Variants in GRM8 observed in about 807,000 individuals in gnomAD.
The protein encoded by GRM8 is metabotropic glutamate receptor 8.
In GRM8, 47 loss-of-function variants were observed where a neutral mutation model predicts 87.2. The observed-to-expected ratio is 0.54, with a 90% confidence interval of 0.43 to 0.69. GRM8 has a LOEUF of 0.69. GRM8 is among the 30% of genes least tolerant of loss of function. The pLI is 0.00. For missense variants in GRM8, 1,019 were observed against 1,139.2 expected, an observed-to-expected ratio of 0.89 and a Z score of 1.52; for synonymous variants, 396 against 404.5, an observed-to-expected ratio of 0.98 and a Z score of 0.25.
At chr7:126,822,415 A>T (rs1218794749) in intron 6 of GRM8, among the ~76,000 whole-genome samples, 1 of 152,012 alleles carries the variant, frequency 6.6e-6, no homozygotes, top group East Asian at 1.9e-4. Flanking sequence ...TTTTTATTTT[A>T]TGAGTGCTTA....
intron 8 of GRM8, 36 bp downstream of exon 8, chr7:126,609,326 C>T (rs1474245547): frequency 2.6e-6 from 4 of 1,554,372 alleles, no homozygotes; most frequent in Non-Finnish European, 3.5e-6. Context: ...TCCTGGAGAG[C>T]TATATACATT....
chr7:126,754,374 A>C (rs1299045884), intron 7 of GRM8, among the ~76,000 whole-genome samples: 1 of 151,878 alleles, frequency 6.6e-6, no homozygotes, highest in Non-Finnish European at 1.5e-5. Flanking sequence ...GATGTTGTCC[A>C]CAGTACTCTG....
chr7:126,745,962 TC>T (rs1327941103), intron 7 of GRM8, among the ~76,000 whole-genome samples: 1 of 151,816 alleles, frequency 6.6e-6, no homozygotes. Flanking sequence ...CAAATTTATA[TC>T]TTCTGAAAAT....
chr7:126,466,865 T>C (rs1223211483), intron 9 of GRM8, among the ~76,000 whole-genome samples: 3 of 151,958 alleles, frequency 2.0e-5, no homozygotes, highest in Non-Finnish European at 1.5e-5. Context: ...TACCCAGAAA[T>C]AATGCTTCAT....
chr7:126,590,983 A>G (rs1342022062), intron 8 of GRM8, among the ~76,000 whole-genome samples: 1 of 152,058 alleles, frequency 6.6e-6, no homozygotes, highest in Non-Finnish European at 1.5e-5. Flanking sequence ...TTTTAAAAAA[A>G]GGTATTTAGG....
In GRM8 at chr7:127,164,638, C is replaced by G. The variant is rs532467433; in HGVS notation, c.511-57926G>C. ...GTTCCAATCTTATTTCTCAGCACAC[C>G]TTGTTGGAAATCTTTATAAAAACCT... On this transcript the variant is annotated intron_variant, in intron 2 of 10. Coordinates refer to ENST00000339582, the MANE Select transcript of GRM8 (RefSeq NM_000845.3). Among the ~76,000 whole-genome samples, 5 of 152,242 alleles carry G rather than the reference C, an allele frequency of 3.3e-5. No homozygotes were observed. The South Asian group carries it at 6.2e-4, about 19-fold the overall frequency.
rs189217283 is a variant in GRM8 at position 126,456,455 on chromosome 7, G to A, written c.2431-10083C>T. Among the ~76,000 whole-genome samples the A allele has an allele frequency of 5.3e-3, 709 of 134,542 alleles. 4 individuals carry two copies. Among genetic ancestry groups the A allele is most frequent in the South Asian group, 0.023 (98 of 4,226 alleles). The allele number at this position is 134,542 out of a possible 152,430, so 88.3% of individuals were successfully genotyped here. On this transcript the variant is annotated intron_variant, in intron 9 of 10. Coordinates refer to ENST00000339582, the MANE Select transcript of GRM8 (RefSeq NM_000845.3). Reference sequence around the variant, plus strand: ...AGGGTACTACAGAGAAGTAAACCGGGTATTTTATACCTTTTTTTTCCCTTG... The same window carrying A: ...AGGGTACTACAGAGAAGTAAACCGGATATTTTATACCTTTTTTTTCCCTTG...
chr7:127,015,063 A>AGAG, intron 3 of GRM8, among the ~76,000 whole-genome samples: 1 of 90,714 alleles, frequency 1.1e-5, no homozygotes. Context: ...AAGAAGAAGA[A>AGAG]GAAGAAAGAA....
intron 2 of GRM8, among the ~76,000 whole-genome samples, chr7:127,188,192 T>C (rs1423478053): frequency 1.3e-5 from 2 of 152,248 alleles, no homozygotes; most frequent in African/African-American, 2.4e-5. Context: ...AGAAGCATTA[T>C]TGATAACTCC....
intron 3 of GRM8, among the ~76,000 whole-genome samples, chr7:127,049,987 C>A (rs1819311843): frequency 6.6e-6 from 1 of 152,112 alleles, no homozygotes; most frequent in African/African-American, 2.4e-5. Context: ...TGGAGACAGG[C>A]AAGGGCCAGG....
intron 2 of GRM8, chr7:127,219,717 A>G (rs1251514224): frequency 1.3e-5 from 2 of 152,238 alleles, no homozygotes; most frequent in African/African-American, 4.8e-5. Flanking sequence ...GTTCCTATTT[A>G]TGACCACAGA....
At chr7:126,951,048 A>C (rs1361965) in intron 3 of GRM8, among the ~76,000 whole-genome samples, 50,477 of 151,876 alleles carry the variant, frequency 0.33, 8,373 homozygotes, top group Non-Finnish European at 0.35. Flanking sequence ...ATATATCTCC[A>C]AAATGGAGTA....
intron 8 of GRM8, among the ~76,000 whole-genome samples, chr7:126,583,469 T>G (rs1795808740): frequency 6.6e-6 from 1 of 152,058 alleles, no homozygotes; most frequent in Non-Finnish European, 1.5e-5. Context: ...CTGGAGAAAA[T>G]ACATTGAAAA....
At chr7:126,931,981 G>A (rs899576711) in intron 3 of GRM8, among the ~76,000 whole-genome samples, 1 of 152,018 alleles carries the variant, frequency 6.6e-6, no homozygotes, top group Non-Finnish European at 1.5e-5. Context: ...TACTTACTAT[G>A]CTAATTAACA....
chr7:126,664,163 C>G (rs1054218549), intron 7 of GRM8, among the ~76,000 whole-genome samples: 1 of 152,128 alleles, frequency 6.6e-6, no homozygotes, highest in Admixed American at 6.6e-5. Flanking sequence ...AAAAAACATT[C>G]CATGCTCATG....
intron 2 of GRM8, among the ~76,000 whole-genome samples, chr7:127,172,805 T>C (rs1353393862): frequency 6.6e-6 from 1 of 152,198 alleles, no homozygotes; most frequent in Non-Finnish European, 1.5e-5. Context: ...GATAATTTTG[T>C]CACCTAAAGG....
chr7:126,879,561 A>C (rs1301908780), intron 6 of GRM8, among the ~76,000 whole-genome samples: 1 of 152,138 alleles, frequency 6.6e-6, no homozygotes, highest in African/African-American at 2.4e-5. Context: ...TTATTTCCAG[A>C]ATTTTCTTAA....
intron 3 of GRM8, among the ~76,000 whole-genome samples, chr7:126,916,354 TAAG>T (rs1803901552): frequency 1.3e-5 from 2 of 152,176 alleles, no homozygotes; most frequent in African/African-American, 2.4e-5. Flanking sequence ...CGTGAATAAA[TAAG>T]AAGCCACTGT....
At chr7:127,192,457 A>G (rs1344988810) in intron 2 of GRM8, among the ~76,000 whole-genome samples, 1 of 152,230 alleles carries the variant, frequency 6.6e-6, no homozygotes, top group African/African-American at 2.4e-5. Flanking sequence ...CTCAGATTCT[A>G]GACTATTCCA....
Sources: gnomAD v4.1 joint callset for allele counts (sites outside exome capture counted in the v4.1 genomes callset) on GRCh38, gnomAD v4.1.1 for gene constraint, MANE v1.5 for transcripts, NCBI Gene and HGNC (gene_info 2026-07-23, HGNC 2026-07-21) for gene names.